The following SEPTIN9 variants were observed in gnomAD, a reference collection of about 807,000 sequenced individuals.
SEPTIN9 encodes septin-9.
In SEPTIN9, 13 loss-of-function variants were observed where a neutral mutation model predicts 56.6. The observed-to-expected ratio is 0.23, with a 90% confidence interval of 0.15 to 0.37. The LOEUF is 0.37. Among genes scored for constraint, SEPTIN9 ranks in the 10% least tolerant of loss-of-function variants. The probability of loss-of-function intolerance (pLI) is 1.00; values close to 1 mark genes in which losing one functional copy is unlikely to be tolerated. For missense variants in SEPTIN9, 650 were observed against 823.1 expected, an observed-to-expected ratio of 0.79 and a Z score of 2.57; for synonymous variants, 332 against 334.1, an observed-to-expected ratio of 0.99 and a Z score of 0.07.
Position 77,488,333 on chromosome 17 carries a change from C to T in SEPTIN9, c.1124+12C>T, listed in dbSNP as rs1193940379. On this transcript the variant is annotated intron_variant, in intron 6 of 11. Transcript: ENST00000427177. ...AACAACGAGAACTGGTGAGGCCCCT[C>T]CAGGGGGAGGAGCACTAGCGGGGGC... 3.1e-6 allele frequency: 5 copies of T among 1,610,172 alleles called. No homozygotes were observed. The highest frequency in any genetic ancestry group is 4.2e-6 in the Non-Finnish European group (5 of 1,176,876).
chr17:77,365,958 C>T (rs900719637), intron 2 of SEPTIN9, among the ~76,000 whole-genome samples: 1 of 152,168 alleles, frequency 6.6e-6, no homozygotes, highest in African/African-American at 2.4e-5. Context: ...CAAGTTGCCT[C>T]CAGCCTCAGA....
intron 1 of SEPTIN9, among the ~76,000 whole-genome samples, chr17:77,295,656 C>T (rs2031777430): frequency 6.6e-6 from 1 of 152,134 alleles, no homozygotes; most frequent in African/African-American, 2.4e-5. Flanking sequence ...GGGGATCAGG[C>T]CAGGACCCAC....
rs111662092 is a variant in SEPTIN9, at chr17:77,390,491, G to A, written c.77-11568G>A. 5.1e-3 allele frequency among the ~76,000 whole-genome samples: 582 copies of A among 113,430 alleles called. 7 individuals are homozygous for A. The highest frequency in any genetic ancestry group is 0.02 in the African/African-American group (552 of 28,024). 74.4% of individuals were successfully genotyped at this position (113,430 alleles called of 152,430 possible). A position where few individuals can be genotyped will look rare whatever the true frequency, so the allele number is the denominator to read the frequency against. Reference sequence around the variant, plus strand: ...TTTTGAGACGGAGTCTCGCTCTGTCGCCCAGGCTGGAGTGCAGTGGCGCGA... The same window carrying A: ...TTTTGAGACGGAGTCTCGCTCTGTCACCCAGGCTGGAGTGCAGTGGCGCGA... On this transcript the variant is annotated intron_variant, in intron 2 of 11. Coordinates refer to ENST00000427177, the MANE Select transcript of SEPTIN9 (RefSeq NM_001113491.2).
At position 77,400,290 on chromosome 17, in the gene SEPTIN9, C is replaced by T. The variant is rs1282344134; in HGVS notation, c.77-1769C>T. The stretch of plus-strand genomic sequence containing the variant: ...GATTTCTACTCTCTTGAGAAGTGAA[C>T]AGCTCTGGCCACGCCGGGCCCATAT... On this transcript the variant is annotated intron_variant, in intron 2 of 11. Coordinates refer to ENST00000427177, the MANE Select transcript of SEPTIN9 (RefSeq NM_001113491.2). This position sits in a 1 kb window ranked among gnomAD's most constrained non-coding sequence, Gnocchi z 4.1. 6.6e-6 allele frequency among the ~76,000 whole-genome samples: 1 copy of T among 152,206 alleles called. No homozygotes were observed. The highest frequency in any genetic ancestry group is 1.5e-5 in the Non-Finnish European group (1 of 68,046).
At chr17:77,353,119 C>T (rs1191398327) in intron 2 of SEPTIN9, among the ~76,000 whole-genome samples, 1 of 152,160 alleles carries the variant, frequency 6.6e-6, no homozygotes, top group Non-Finnish European at 1.5e-5. Context: ...CACAATTCAA[C>T]CCACAATGGG....
intron 3 of SEPTIN9, chr17:77,466,326 C>T: frequency 1.1e-6 from 1 of 944,562 alleles, no homozygotes; most frequent in Non-Finnish European, 1.3e-6. Flanking sequence ...AGTGGTCAGG[C>T]CCGGGCCAGG....
intron 2 of SEPTIN9, among the ~76,000 whole-genome samples, chr17:77,382,760 G>T (rs544687796): frequency 1.3e-5 from 2 of 152,214 alleles, no homozygotes; most frequent in Non-Finnish European, 2.9e-5. Flanking sequence ...GGGGTCGGGT[G>T]GGGGAGGAGA....
chr17:77,446,797 G>A (rs1347900096), intron 3 of SEPTIN9: 1 of 167,116 alleles, frequency 6.0e-6, no homozygotes, highest in African/African-American at 2.4e-5. Flanking sequence ...TACCCTAGGG[G>A]CCTGTGGTGT....
At chr17:77,390,891 G>A (rs2035518761) in intron 2 of SEPTIN9, among the ~76,000 whole-genome samples, 1 of 152,188 alleles carries the variant, frequency 6.6e-6, no homozygotes, top group East Asian at 1.9e-4. Flanking sequence ...TTAGTGAAAG[G>A]GACCCTTGAA....
At chr17:77,465,380 C>T (rs2038668182) in intron 3 of SEPTIN9, among the ~76,000 whole-genome samples, 2 of 152,194 alleles carry the variant, frequency 1.3e-5, no homozygotes, top group African/African-American at 2.4e-5. Context: ...TTTAGCCAAC[C>T]AGCCTTTAAG....
chr17:77,456,646 G>A lies in SEPTIN9; in HGVS notation c.722-25498G>A, dbSNP rs2038215613. The A allele has an allele frequency of 6.7e-6, 1 of 149,664 alleles. No individual in the cohort carries two copies. The highest frequency in any genetic ancestry group is 1.5e-5 in the Non-Finnish European group (1 of 66,580). The allele number at this position is 149,664 out of a possible 1,614,324, so 9.3% of individuals were successfully genotyped here. A position where few individuals can be genotyped will look rare whatever the true frequency, so the allele number is the denominator to read the frequency against. ...CCAGCACCGGGTACCCACAGCCAGGGACAGGCCTCCATGGCCAGTACCAGG... is the reference window on the plus strand; with the variant it reads ...CCAGCACCGGGTACCCACAGCCAGGAACAGGCCTCCATGGCCAGTACCAGG... On this transcript the variant is annotated intron_variant, in intron 3 of 11. Transcript: ENST00000427177. This position sits in a 1 kb window ranked among gnomAD's most constrained non-coding sequence, Gnocchi z 6.0.
At chr17:77,364,691 G>A (rs1219125167) in intron 2 of SEPTIN9, among the ~76,000 whole-genome samples, 1 of 152,222 alleles carries the variant, frequency 6.6e-6, no homozygotes, top group Non-Finnish European at 1.5e-5. Context: ...GCGAGGCTGG[G>A]GGCAGAGACG....
Position 77,453,498 on chromosome 17 carries a change from G to A in SEPTIN9, c.722-28646G>A, listed in dbSNP as rs2038064041. Among the ~76,000 whole-genome samples the A allele has an allele frequency of 1.3e-5, 2 of 152,186 alleles. No homozygotes were observed. Among genetic ancestry groups the A allele is most frequent in the South Asian group, 2.1e-4 (1 of 4,822 alleles). On this transcript the variant is annotated intron_variant, in intron 3 of 11. Coordinates refer to ENST00000427177, the MANE Select transcript of SEPTIN9 (RefSeq NM_001113491.2). The surrounding 1 kb of genome is among the most constrained non-coding windows in gnomAD (Gnocchi z 4.4). Reference sequence around the variant, plus strand: ...CGCGTGCCTGTAATGGCAGCTACTCGGGAGGCTGAGACAGGAGAATCACTT... The same window carrying A: ...CGCGTGCCTGTAATGGCAGCTACTCAGGAGGCTGAGACAGGAGAATCACTT...
intron 3 of SEPTIN9, among the ~76,000 whole-genome samples, chr17:77,416,004 A>C (rs2036493907): frequency 6.6e-6 from 1 of 152,258 alleles, no homozygotes; most frequent in African/African-American, 2.4e-5. Flanking sequence ...AGTATTTTTC[A>C]ATATCGAAAT....
intron 2 of SEPTIN9, among the ~76,000 whole-genome samples, chr17:77,346,073 T>G (rs1311196311): frequency 1.3e-5 from 2 of 151,846 alleles, no homozygotes; most frequent in African/African-American, 4.8e-5. Context: ...GCCTCAGCCT[T>G]CTAAGTAGCT....
intron 3 of SEPTIN9, among the ~76,000 whole-genome samples, chr17:77,468,124 G>A (rs2038828814): frequency 6.6e-6 from 1 of 152,126 alleles, no homozygotes; most frequent in African/African-American, 2.4e-5. Flanking sequence ...AATTAGCCGG[G>A]CGTGGTGGCG....
At position 77,436,752 on chromosome 17, in the gene SEPTIN9, G is replaced by A. The variant is rs2037355261; in HGVS notation, c.721+34049G>A. 6.6e-6 allele frequency among the ~76,000 whole-genome samples: 1 copy of A among 152,272 alleles called. No homozygotes were observed. Among genetic ancestry groups the A allele is most frequent in the African/African-American group, 2.4e-5 (1 of 41,474 alleles). On this transcript the variant is annotated intron_variant, in intron 3 of 11. Transcript: ENST00000427177. This position sits in a 1 kb window ranked among gnomAD's most constrained non-coding sequence, Gnocchi z 4.4. ...GGCAGCCAGCCCCCATCCTGGGAGT[G>A]ACTGAAAGTCCTTGGGGGTTCCTGC... is the stretch of plus-strand genomic sequence containing the variant.
In SEPTIN9 at chr17:77,289,812, C is replaced by T. The variant is rs113192547; in HGVS notation, c.19+8258C>T. Among the ~76,000 whole-genome samples, 992 of 152,268 alleles carry T rather than the reference C, an allele frequency of 6.5e-3. 13 individuals carry two copies. Among genetic ancestry groups the T allele is most frequent in the African/African-American group, 0.023 (941 of 41,540 alleles). On this transcript the variant is annotated intron_variant, in intron 1 of 11. Transcript: ENST00000427177. Reference sequence around the variant, plus strand: ...TTTTTGTTGTCAGTTTTCTGTATTACTTATTGCCAAACAACATGAACAGGA... The same window carrying T: ...TTTTTGTTGTCAGTTTTCTGTATTATTTATTGCCAAACAACATGAACAGGA...
chr17:77,415,154 C>T (rs1477291436), intron 3 of SEPTIN9, among the ~76,000 whole-genome samples: 3 of 152,122 alleles, frequency 2.0e-5, no homozygotes, highest in Admixed American at 2.0e-4. Context: ...TCTTGGCCCA[C>T]AGGGTGGGAC....
Sources: gnomAD v4.1 joint callset for allele counts (sites outside exome capture counted in the v4.1 genomes callset) on GRCh38, gnomAD v4.1.1 for gene constraint, Gnocchi (gnomAD v3.1) non-coding constraint, MANE v1.5 for transcripts, NCBI Gene and HGNC (gene_info 2026-07-23, HGNC 2026-07-21) for gene names.